The following CATSPERE variants were observed in gnomAD, a reference collection of about 807,000 sequenced individuals.
CATSPERE encodes the protein cation channel sperm-associated auxiliary subunit epsilon.
A neutral mutation model predicts 114.1 loss-of-function variants in CATSPERE; 93 were observed. The ratio of observed to expected loss-of-function variants is 0.81; its 90% CI spans 0.69 to 0.97. The LOEUF is 0.97. CATSPERE is among the 50% of genes least tolerant of loss of function. The pLI, the probability that CATSPERE is intolerant of heterozygous loss-of-function variation, is 0.00. For missense variants in CATSPERE, 1,058 were observed against 1,131.6 expected (o/e 0.93, Z 0.93); for synonymous variants, 341 against 384.1 (o/e 0.89, Z 1.31).
intron 9 of CATSPERE, among the ~76,000 whole-genome samples, chr1:244,555,251 G>A (rs577870226): frequency 5.9e-5 from 9 of 152,112 alleles, no homozygotes; most frequent in Admixed American, 1.3e-4. Flanking sequence ...TGGGTGTGGT[G>A]GCACACGCCT....
chr1:244,536,663 A>C (rs1332018825), intron 8 of CATSPERE, among the ~76,000 whole-genome samples: 2 of 152,128 alleles, frequency 1.3e-5, no homozygotes, highest in African/African-American at 4.8e-5. Flanking sequence ...GCAACTCAAG[A>C]CTGTCTTTCC....
intron 8 of CATSPERE, among the ~76,000 whole-genome samples, chr1:244,546,047 G>A (rs1572680897): frequency 6.6e-6 from 1 of 152,234 alleles, no homozygotes; most frequent in East Asian, 1.9e-4. Flanking sequence ...CACCCCTGAA[G>A]CAGAATGCTA....
intron 7 of CATSPERE, among the ~76,000 whole-genome samples, chr1:244,508,683 G>T (rs893639114): frequency 7.3e-5 from 11 of 151,164 alleles, no homozygotes; most frequent in Non-Finnish European, 1.6e-4. Flanking sequence ...TTTTTTTGGT[G>T]GAATCTAGGT....
chr1:244,548,181 T>C (rs1660060616), intron 8 of CATSPERE, among the ~76,000 whole-genome samples: 1 of 152,254 alleles, frequency 6.6e-6, no homozygotes, highest in African/African-American at 2.4e-5. Flanking sequence ...AACAATTAAA[T>C]GGATAGGATG....
intron 6 of CATSPERE, among the ~76,000 whole-genome samples, chr1:244,498,711 A>G (rs972784431): frequency 6.6e-6 from 1 of 152,182 alleles, no homozygotes; most frequent in African/African-American, 2.4e-5. Flanking sequence ...CAACCTGGCC[A>G]ACATGGTGAA....
chr1:244,488,350 C>G (rs1671412095), intron 5 of CATSPERE, among the ~76,000 whole-genome samples: 1 of 152,204 alleles, frequency 6.6e-6, no homozygotes, highest in Non-Finnish European at 1.5e-5. Context: ...CCACTATGTT[C>G]TATTTCCATA....
chr1:244,487,862 G>A (rs1472994711), intron 5 of CATSPERE, among the ~76,000 whole-genome samples: 4 of 151,992 alleles, frequency 2.6e-5, no homozygotes, highest in Non-Finnish European at 5.9e-5. Flanking sequence ...ATCACACTTC[G>A]CTTACAAAAC....
chr1:244,561,790 G>A (rs944252364), intron 10 of CATSPERE, among the ~76,000 whole-genome samples: 18 of 152,166 alleles, frequency 1.2e-4, no homozygotes, highest in Admixed American at 6.5e-4. Context: ...ATTCATAAGT[G>A]TATGAAGTAT....
At chr1:244,530,545 A>G (rs3005939) in intron 8 of CATSPERE, among the ~76,000 whole-genome samples, 143 of 151,826 alleles carry the variant, frequency 9.4e-4, no homozygotes, top group African/African-American at 3.3e-3. Context: ...TTTTTTTCCT[A>G]TTTCTGTAAA....
At chr1:244,605,939 G>A in intron 18 of CATSPERE, 145 bp downstream of exon 18, 1 of 499,610 alleles carries the variant, frequency 2.0e-6, no homozygotes, top group Non-Finnish European at 3.5e-6. Context: ...AAATTATATG[G>A]CTACTAAAAT....
intron 7 of CATSPERE, among the ~76,000 whole-genome samples, chr1:244,501,900 C>T (rs908559166): frequency 2.9e-4 from 44 of 152,304 alleles, no homozygotes; most frequent in Non-Finnish European, 5.6e-4. Flanking sequence ...ATCTTGCCTC[C>T]GGCCACTGGA....
At chr1:244,495,998 A>C (rs1315719386) in intron 6 of CATSPERE, among the ~76,000 whole-genome samples, 1 of 152,238 alleles carries the variant, frequency 6.6e-6, no homozygotes, top group African/African-American at 2.4e-5. Context: ...ACCTATTTCC[A>C]TGACGTGACC....
chr1:244,513,501 T>G (rs1010862992), intron 7 of CATSPERE, among the ~76,000 whole-genome samples: 1 of 152,120 alleles, frequency 6.6e-6, no homozygotes, highest in African/African-American at 2.4e-5. Flanking sequence ...AACATGCATA[T>G]ACACTGGCAG....
intron 9 of CATSPERE, among the ~76,000 whole-genome samples, chr1:244,555,863 A>C (rs72773448): frequency 0.13 from 20,212 of 152,114 alleles, 2,424 homozygotes; most frequent in African/African-American, 0.32. Flanking sequence ...TAAATTTAAC[A>C]AAGGATGTGA....
chr1:244,599,434 C>A (rs567649156), intron 17 of CATSPERE, among the ~76,000 whole-genome samples: 1 of 152,168 alleles, frequency 6.6e-6, no homozygotes, highest in African/African-American at 2.4e-5. Context: ...CTCTCATACA[C>A]CCTACATCAA....
At chr1:244,618,395 A>G (rs545527736) in intron 20 of CATSPERE, among the ~76,000 whole-genome samples, 32 of 152,354 alleles carry the variant, frequency 2.1e-4, no homozygotes, top group Admixed American at 2.0e-3. Context: ...CCCATGTCCT[A>G]GAGACCTTCA....
chr1:244,623,953 G>A (rs930502974), intron 20 of CATSPERE, among the ~76,000 whole-genome samples: 1 of 151,852 alleles, frequency 6.6e-6, no homozygotes, highest in African/African-American at 2.4e-5. Context: ...TGATGGCTGG[G>A]GTGGCTGTGG....
intron 8 of CATSPERE, among the ~76,000 whole-genome samples, chr1:244,525,094 G>A (rs1314827805): frequency 1.4e-5 from 2 of 147,994 alleles, no homozygotes; most frequent in African/African-American, 5.2e-5. Context: ...CAACCCAAAT[G>A]TCCAACAATG....
At chr1:244,621,574 A>G (rs1672400680) in intron 20 of CATSPERE, among the ~76,000 whole-genome samples, 1 of 151,796 alleles carries the variant, frequency 6.6e-6, no homozygotes, top group African/African-American at 2.4e-5. Context: ...CCAACAAAAC[A>G]TAAGAAAAGG....
Sources: allele counts gnomAD v4.1 joint callset (sites outside exome capture counted in the v4.1 genomes callset), GRCh38; gene constraint gnomAD v4.1.1; transcripts MANE v1.5; gene names NCBI Gene and HGNC (gene_info 2026-07-23, HGNC 2026-07-21).